Variants in FHAD1 observed in about 807,000 individuals in gnomAD.
FHAD1 encodes the protein forkhead-associated domain-containing protein 1.
Under a neutral mutation model 191.3 loss-of-function variants are expected in FHAD1, and 146 were observed. That is an observed-to-expected ratio of 0.76 (90% confidence interval 0.67 to 0.88). The LOEUF (loss-of-function observed/expected upper bound fraction) is 0.88. FHAD1 is among the 40% of genes least tolerant of loss of function. FHAD1 has a pLI of 0.00. For missense variants in FHAD1, 1,635 were observed against 1,785.8 expected (o/e 0.92, Z 1.52); for synonymous variants, 616 against 672.3 (o/e 0.92, Z 1.29).
At chr1:15,294,172 T>C (rs754746972) in intron 4 of FHAD1, among the ~76,000 whole-genome samples, 8 of 152,226 alleles carry the variant, frequency 5.3e-5, no homozygotes, top group Admixed American at 1.3e-4. Context: ...TGGCTCTCCA[T>C]TGAAAGCACC....
chr1:15,239,178 A>AT lies in FHAD1; in HGVS notation c.-15+2419dup, dbSNP rs371392554. Among the ~76,000 whole-genome samples the AT allele has an allele frequency of 1.7e-3, 252 of 152,140 alleles. 2 individuals carry two copies. Among genetic ancestry groups the AT allele is most frequent in the East Asian group, 0.017 (85 of 5,146 alleles). On this transcript the variant is annotated intron_variant, in intron 1 of 33. Coordinates refer to the FHAD1 transcript ENST00000683790. ...CACCTCAGCCTCCCAAAGTGCTGGGATTACAGGCATGAGCTACCATGCTCA... is the reference window on the plus strand; with the variant it reads ...CACCTCAGCCTCCCAAAGTGCTGGGATTTACAGGCATGAGCTACCATGCTCA...
intron 3 of FHAD1, among the ~76,000 whole-genome samples, chr1:15,278,201 CAG>C (rs1261107153): frequency 2.0e-5 from 3 of 152,114 alleles, no homozygotes; most frequent in African/African-American, 4.8e-5. Flanking sequence ...GTTGAGTAGA[CAG>C]AGATCATATG....
rs1317508078 is a variant in FHAD1 at position 15,289,149 on chromosome 1, T to TAATTTTTG, written c.301-241_301-234dup. ...ACAGGCATAGGCCACAAGGCCCAGC[T>TAATTTTTG]AATTTTTGAATTTTTGGTGAGGCAG... is the stretch of plus-strand genomic sequence containing the variant. On this transcript the variant is annotated intron_variant, in intron 3 of 33. Transcript: ENST00000688493. This position sits in a 1 kb window ranked among gnomAD's most constrained non-coding sequence, Gnocchi z 4.2. Among the ~76,000 whole-genome samples, 4 of 152,214 alleles carry TAATTTTTG rather than the reference T, an allele frequency of 2.6e-5. No homozygotes were observed. Among genetic ancestry groups the TAATTTTTG allele is most frequent in the Non-Finnish European group, 4.4e-5 (3 of 68,028 alleles).
intron 2 of FHAD1, among the ~76,000 whole-genome samples, chr1:15,266,466 A>C (rs1653558090): frequency 1.3e-5 from 2 of 151,344 alleles, no homozygotes; most frequent in African/African-American, 4.9e-5. Flanking sequence ...TAGTACAGAG[A>C]GTTCCCACAT....
In FHAD1 at chr1:15,311,808, C is replaced by T. The variant is rs1672355143; in HGVS notation, c.1040-1249C>T. ...CTATCTGCTGTCACATAAGTTATCC[C>T]AAAAAAGCAACAAATATGTTTATCT... On this transcript the variant is annotated intron_variant, in intron 7 of 33. Coordinates refer to ENST00000688493, the MANE Select transcript of FHAD1 (RefSeq NM_001391957.1). The surrounding 1 kb of genome is among the most constrained non-coding windows in gnomAD (Gnocchi z 4.1). Among the ~76,000 whole-genome samples, 1 of 152,230 alleles carries T rather than the reference C, an allele frequency of 6.6e-6. No individual in the cohort carries two copies. The highest frequency in any genetic ancestry group is 6.5e-5 in the Admixed American group (1 of 15,306).
chr1:15,352,564 A>G (rs1330113734), intron 19 of FHAD1, among the ~76,000 whole-genome samples: 2 of 152,162 alleles, frequency 1.3e-5, no homozygotes, highest in Non-Finnish European at 2.9e-5. Flanking sequence ...ATGCCAGTTT[A>G]TTTAGTAACT....
At chr1:15,262,263 T>C (rs6676098) in intron 2 of FHAD1, among the ~76,000 whole-genome samples, 18,802 of 152,174 alleles carry the variant, frequency 0.12, 2,677 homozygotes, top group African/African-American at 0.34. Flanking sequence ...CGCATAATAG[T>C]GAACATTTTA....
intron 19 of FHAD1, among the ~76,000 whole-genome samples, chr1:15,352,397 C>G (rs1691203683): frequency 6.6e-6 from 1 of 152,124 alleles, no homozygotes; most frequent in South Asian, 2.1e-4. Flanking sequence ...TTTGAAAACC[C>G]ATGGCTTTGT....
In FHAD1 at chr1:15,374,525, G is replaced by A. The variant is rs1023129318; in HGVS notation, c.3471G>A (p.Gly1157=). 2 of 1,551,758 alleles carry A rather than the reference G, an allele frequency of 1.3e-6. No homozygotes were observed. Among genetic ancestry groups the A allele is most frequent in the Non-Finnish European group, 8.7e-7 (1 of 1,147,016 alleles). Residue 1157 remains glycine (G), a synonymous_variant, in exon 27 of 34, where the codon GGG becomes GGA. Coordinates refer to ENST00000688493, the MANE Select transcript of FHAD1 (RefSeq NM_001391957.1). ...SQEQQSFSDL[G]VRCKGSRHEE... ...AGCAGCAATCCTTCAGCGATCTAGG[G>A]GTCAGGTGCAAAGGGTCCCGGCACG...
chr1:15,297,076 T>C (rs1219639266), intron 5 of FHAD1, among the ~76,000 whole-genome samples: 2 of 152,236 alleles, frequency 1.3e-5, no homozygotes, highest in Non-Finnish European at 2.9e-5. Flanking sequence ...TAAATCACCA[T>C]CACTTAACAA....
At chr1:15,297,897 A>G (rs1163993075) in intron 5 of FHAD1, among the ~76,000 whole-genome samples, 1 of 151,488 alleles carries the variant, frequency 6.6e-6, no homozygotes, top group African/African-American at 2.4e-5. Flanking sequence ...TAATTTTTCC[A>G]TAAGTTATTG....
intron 31 of FHAD1, among the ~76,000 whole-genome samples, chr1:15,386,857 T>TTTTG (rs1702237692): frequency 6.6e-6 from 1 of 151,696 alleles, no homozygotes; most frequent in South Asian, 2.1e-4. Context: ...TTCTTTTTTT[T>TTTTG]TTTGTTTGTT....
At chr1:15,291,026 T>C (rs1664541787) in intron 4 of FHAD1, among the ~76,000 whole-genome samples, 1 of 151,862 alleles carries the variant, frequency 6.6e-6, no homozygotes, top group Non-Finnish European at 1.5e-5. Context: ...AATATGAACA[T>C]TTTTTAAACA....
At chr1:15,399,872 A>G (rs913164660), downstream of FHAD1, 2 of 152,242 alleles carry the variant, frequency 1.3e-5, no homozygotes, top group African/African-American at 4.8e-5. Context: ...TACTAAGTCT[A>G]CTTAGTCATT....
At chr1:15,356,933 A>G (rs567261243) in intron 20 of FHAD1, among the ~76,000 whole-genome samples, 105 of 152,254 alleles carry the variant, frequency 6.9e-4, no homozygotes, top group South Asian at 1.5e-3. Context: ...TCATCGAACA[A>G]TCTTCCATGG....
chr1:15,309,578 C>T lies in FHAD1; in HGVS notation c.1039+842C>T, dbSNP rs573824499. Among the ~76,000 whole-genome samples the T allele has an allele frequency of 3.3e-5, 5 of 152,076 alleles. No homozygotes were observed. In the South Asian group the frequency reaches 6.2e-4, roughly 19 times the overall value. On this transcript the variant is annotated intron_variant, in intron 7 of 33. Transcript: ENST00000688493. ...GCTTAGTGCAAGCTTGTCCAGCCCA[C>T]GACCTGCGGGCCACATATGGCCCAG...
chr1:15,351,548 T>G (rs1690864159), intron 19 of FHAD1, among the ~76,000 whole-genome samples: 1 of 152,134 alleles, frequency 6.6e-6, no homozygotes. Flanking sequence ...TTTCCTTTCT[T>G]GTGAAACAGG....
rs1431554874 is a variant in FHAD1 at position 15,247,247 on chromosome 1, A to AGGCC, written c.-156_-153dup. On this transcript the variant is annotated 5_prime_UTR_variant, in exon 1 of 34. Transcript: ENST00000688493. ...CGTTGCCATGGCAACGCGCGTACAC[A>AGGCC]GGCCGGCCGGGCGGGCGGGGTGCCG... 2 of 177,204 alleles carry AGGCC rather than the reference A, an allele frequency of 1.1e-5. No homozygotes were observed. The highest frequency in any genetic ancestry group is 1.3e-4 in the Admixed American group (2 of 15,364). 11.0% of individuals were successfully genotyped at this position (177,204 alleles called of 1,614,324 possible). A position where few individuals can be genotyped will look rare whatever the true frequency, so the allele number is the denominator to read the frequency against.
rs902969386 is a variant in FHAD1, at chr1:15,289,814, A to C, written c.568+148A>C. 10 of 1,324,814 alleles carry C rather than the reference A, an allele frequency of 7.5e-6. No homozygotes were observed. Among genetic ancestry groups the C allele is most frequent in the Middle Eastern group, 4.0e-4 (2 of 5,040 alleles). 82.1% of individuals were successfully genotyped at this position (1,324,814 alleles called of 1,614,324 possible). A position where few individuals can be genotyped will look rare whatever the true frequency, so the allele number is the denominator to read the frequency against. ...AATTCAGGATAAGCAGAAAGTAAGAAAACAGTTAAAAAATCAGCCGTAATC... is the reference window on the plus strand; with the variant it reads ...AATTCAGGATAAGCAGAAAGTAAGACAACAGTTAAAAAATCAGCCGTAATC... On this transcript the variant is annotated intron_variant, in intron 4 of 33. Coordinates refer to ENST00000688493, the MANE Select transcript of FHAD1 (RefSeq NM_001391957.1). This position sits in a 1 kb window ranked among gnomAD's most constrained non-coding sequence, Gnocchi z 4.2.
Sources: gnomAD v4.1 joint callset for allele counts (sites outside exome capture counted in the v4.1 genomes callset) on GRCh38, gnomAD v4.1.1 for gene constraint, Gnocchi (gnomAD v3.1) non-coding constraint, MANE v1.5 for transcripts, NCBI Gene and HGNC (gene_info 2026-07-23, HGNC 2026-07-21) for gene names.